RAB3GAP2: variants seen among roughly 807,000 people sequenced by gnomAD.
RAB3GAP2 encodes the protein rab3 GTPase-activating protein non-catalytic subunit.
In RAB3GAP2, 87 loss-of-function variants were observed where a neutral mutation model predicts 185.3. The observed-to-expected ratio is 0.47, with a 90% confidence interval of 0.39 to 0.56. The LOEUF is 0.56. Ranked by LOEUF, RAB3GAP2 falls within the 20% of genes least tolerant of loss-of-function variation. RAB3GAP2 has a pLI of 0.00. For missense variants in RAB3GAP2, 1,492 were observed against 1,638.2 expected (o/e 0.91, Z 1.54); for synonymous variants, 554 against 576.1 (o/e 0.96, Z 0.55).
chr1:220,196,533 A>T (rs1229023488), intron 9 of RAB3GAP2, 135 bp from the exon 10 acceptor site: 10 of 921,576 alleles, frequency 1.1e-5, no homozygotes, highest in African/African-American at 1.7e-5. Flanking sequence ...CTACAAAGTC[A>T]ACATCAGAAA....
intron 29 of RAB3GAP2, 81 bp from the exon 30 acceptor site, chr1:220,157,957 A>T: frequency 8.7e-6 from 9 of 1,038,824 alleles, no homozygotes; most frequent in Non-Finnish European, 1.3e-5. Context: ...ACCAGGATAC[A>T]ATACACTGGT....
intron 18 of RAB3GAP2, among the ~76,000 whole-genome samples, chr1:220,184,380 G>C (rs1030512013): frequency 6.6e-6 from 1 of 151,990 alleles, no homozygotes; most frequent in East Asian, 1.9e-4. Context: ...TGCTCTAAAA[G>C]TAGGGAGATA....
chr1:220,152,418 C>T (rs1657774530), intron 33 of RAB3GAP2, among the ~76,000 whole-genome samples: 1 of 152,210 alleles, frequency 6.6e-6, no homozygotes, highest in South Asian at 2.1e-4. Flanking sequence ...ACCATGGGCT[C>T]CGAGACCTAG....
At chr1:220,218,156 C>T (rs1228633682) in intron 2 of RAB3GAP2, among the ~76,000 whole-genome samples, 1 of 152,018 alleles carries the variant, frequency 6.6e-6, no homozygotes, top group Non-Finnish European at 1.5e-5. Flanking sequence ...GATTTTTATT[C>T]CGGTTTCATC....
At chr1:220,247,191 T>G (rs995345857) in intron 1 of RAB3GAP2, among the ~76,000 whole-genome samples, 33 of 152,226 alleles carry the variant, frequency 2.2e-4, no homozygotes, top group African/African-American at 7.5e-4. Flanking sequence ...TATGGAAAAC[T>G]GTATGAAGAG....
At position 220,190,352 on chromosome 1, in the gene RAB3GAP2, A is replaced by G. The variant is rs574899559; in HGVS notation, c.1631+25T>C. On this transcript the variant is annotated intron_variant, in intron 15 of 34. Coordinates refer to ENST00000358951, the MANE Select transcript of RAB3GAP2 (RefSeq NM_012414.4). ...AGGAAAAGTTAGCAGAGGAGCGTCA[A>G]TCAGCAACACTGGACACACCTTACC... is the stretch of plus-strand genomic sequence containing the variant. The G allele has an allele frequency of 3.8e-5, 61 of 1,613,924 alleles. 1 individual carries two copies. In the South Asian group the frequency reaches 6.0e-4, roughly 16 times the overall value.
Position 220,167,682 on chromosome 1 carries a change from T to C in RAB3GAP2, c.2807-7A>G, listed in dbSNP as rs1203198780. 2.5e-6 allele frequency: 4 copies of C among 1,613,066 alleles called. No individual in the cohort carries two copies. The East Asian group carries it at 8.9e-5, about 36-fold the overall frequency. On this transcript the variant is annotated splice_region_variant and splice_polypyrimidine_tract_variant and intron_variant, in intron 24 of 34. Transcript: ENST00000358951. ...ACACTGTCTGCAATGCCACCTATAG[T>C]TTGGAGACAAGAAAGAAAATAAAAA...
rs569674350 is a variant in RAB3GAP2, at chr1:220,262,213, A to G, written c.115+10010T>C. 7.2e-5 allele frequency among the ~76,000 whole-genome samples: 11 copies of G among 152,066 alleles called. No individual in the cohort carries two copies. In the East Asian group the frequency reaches 2.1e-3, roughly 29 times the overall value. ...CTACTCGAGAGGCTGAGGGAGGAGA[A>G]TGGTGTGAACCCGGGAGGTGGAGCT... On this transcript the variant is annotated intron_variant, in intron 1 of 34. Coordinates refer to ENST00000358951, the MANE Select transcript of RAB3GAP2 (RefSeq NM_012414.4).
At chr1:220,186,781 A>G (rs1658515307) in intron 17 of RAB3GAP2, among the ~76,000 whole-genome samples, 1 of 152,164 alleles carries the variant, frequency 6.6e-6, no homozygotes, top group Non-Finnish European at 1.5e-5. Flanking sequence ...AAGAAAATCA[A>G]GAAGACATTT....
In RAB3GAP2 at chr1:220,153,382, C is replaced by T; in HGVS notation, c.3670G>A (p.Ala1224Thr). The change falls in exon 33 of 35, where the codon GCT (alanine) becomes ACT (threonine). Residue 1224 changes from alanine to threonine, a missense_variant. Physicochemically the swap from Ala to Thr is moderately conservative, Grantham distance 58. Coordinates refer to ENST00000358951, the MANE Select transcript of RAB3GAP2 (RefSeq NM_012414.4). ...GTGGCTGAATGTTGGGCCTGGACAG[C>T]TGCACTGACAACTTTCAATAAGAAC... ...QQFLLKVVSA[A>T]VQAQHSATKV... is the part of the protein sequence containing the mutation. The T allele has an allele frequency of 6.2e-7, 1 of 1,614,156 alleles. No homozygotes were observed. The highest frequency in any genetic ancestry group is 8.5e-7 in the Non-Finnish European group (1 of 1,179,986).
At chr1:220,173,396 T>A (rs1571882033) in intron 21 of RAB3GAP2, among the ~76,000 whole-genome samples, 1 of 152,234 alleles carries the variant, frequency 6.6e-6, no homozygotes, top group South Asian at 2.1e-4. Flanking sequence ...TGGTGTTACA[T>A]CTGTAAGTAC....
intron 21 of RAB3GAP2, among the ~76,000 whole-genome samples, chr1:220,173,192 C>T (rs1035131897): frequency 2.6e-5 from 4 of 152,120 alleles, no homozygotes; most frequent in Non-Finnish European, 5.9e-5. Context: ...GGAGCAAGTA[C>T]ATAAAAGTAT....
At chr1:220,202,255 A>T in intron 9 of RAB3GAP2, 21 bp downstream of exon 9, 1 of 1,608,900 alleles carries the variant, frequency 6.2e-7, no homozygotes. Context: ...TTCCAAGAGA[A>T]TTTGAATTAG....
In RAB3GAP2 at chr1:220,157,487, G is replaced by A; in HGVS notation, c.3338C>T (p.Ala1113Val). ...CTGTATTTCATCCCTGCTAACATCT[G>A]CCTAAGGGTTTTGAGAATGGAGGAC... ...CLDLLQILME[A>V]DVSRDEIQVP... is the part of the protein sequence containing the mutation. The change falls in exon 31 of 35, where the codon GCA becomes GTA. Residue 1113 changes from alanine (A) to valine (V), a missense_variant and splice_region_variant. Ala to Val is a moderately conservative substitution (Grantham distance 64). Transcript: ENST00000358951. 1 of 1,612,846 alleles carries A rather than the reference G, an allele frequency of 6.2e-7. No homozygotes were observed.
At chr1:220,252,367 T>C (rs1367260823) in intron 1 of RAB3GAP2, among the ~76,000 whole-genome samples, 2 of 152,164 alleles carry the variant, frequency 1.3e-5, no homozygotes, top group African/African-American at 4.8e-5. Context: ...GTGTGTTGAC[T>C]GAGCACAGAA....
Position 220,272,357 on chromosome 1 carries a change from A to G in RAB3GAP2, c.-20T>C, listed in dbSNP as rs926169525. The G allele has an allele frequency of 1.3e-6, 2 of 1,567,572 alleles. No homozygotes were observed. Among genetic ancestry groups the G allele is most frequent in the African/African-American group, 1.4e-5 (1 of 73,924 alleles). ...GGCCATGGCTCCAGGGAACCCCACTACGGCACTCACCTTACCTCACCACGC... is the reference window on the plus strand; with the variant it reads ...GGCCATGGCTCCAGGGAACCCCACTGCGGCACTCACCTTACCTCACCACGC... On this transcript the variant is annotated 5_prime_UTR_variant, in exon 1 of 35. Transcript: ENST00000358951.
At chr1:220,196,454 T>C (rs973546093) in intron 9 of RAB3GAP2, 56 bp from the exon 10 acceptor site, 2 of 1,459,480 alleles carry the variant, frequency 1.4e-6, no homozygotes, top group Admixed American at 3.4e-5. Context: ...TCATTACATT[T>C]TTACTTCAGT....
chr1:220,184,015 A>T (rs750823569), intron 19 of RAB3GAP2, 21 bp downstream of exon 19: 2 of 1,469,906 alleles, frequency 1.4e-6, no homozygotes, highest in African/African-American at 2.8e-5. Context: ...TTTATATAAT[A>T]TAAAATGTGG....
chr1:220,194,612 C>T (rs759908941), intron 12 of RAB3GAP2, among the ~76,000 whole-genome samples: 19 of 152,178 alleles, frequency 1.2e-4, no homozygotes, highest in Non-Finnish European at 2.2e-4. Context: ...AGGCTGGTGT[C>T]AAACTCCTGA....
Sources: allele counts gnomAD v4.1 joint callset (sites outside exome capture counted in the v4.1 genomes callset), GRCh38; gene constraint gnomAD v4.1.1; transcripts MANE v1.5; gene names NCBI Gene and HGNC (gene_info 2026-07-23, HGNC 2026-07-21).